VIT: variants seen among roughly 807,000 people sequenced by gnomAD.
The protein encoded by VIT is vitrin.
VIT carries 99 observed loss-of-function variants against 78.0 expected under a neutral mutation model. The ratio of observed to expected loss-of-function variants is 1.27; its 90% confidence interval spans 1.08 to 1.50. VIT has a LOEUF of 1.50. Ranked by LOEUF, VIT falls within the 40% of genes most tolerant of loss-of-function variation. The pLI is 0.00. For synonymous variants in VIT, 374 were observed against 334.3 expected (o/e 1.12, Z -1.29); for missense variants, 1,126 against 875.3 (o/e 1.29, Z -3.61).
At chr2:36,750,860 T>G (rs1668418073) in intron 4 of VIT, among the ~76,000 whole-genome samples, 1 of 152,122 alleles carries the variant, frequency 6.6e-6, no homozygotes, top group Non-Finnish European at 1.5e-5. Flanking sequence ...TGTAATCTTT[T>G]GCACTGTGAT....
intron 7 of VIT, among the ~76,000 whole-genome samples, chr2:36,773,320 C>CT (rs11464270): frequency 0.37 from 54,500 of 145,582 alleles, 10,387 homozygotes; most frequent in African/African-American, 0.52. Flanking sequence ...GTTAAATACT[C>CT]TTTTTTTTTT....
intron 9 of VIT, among the ~76,000 whole-genome samples, chr2:36,779,169 G>A (rs78641999): frequency 1.6e-3 from 240 of 152,328 alleles, no homozygotes; most frequent in African/African-American, 5.5e-3. Context: ...CAAGTACCCC[G>A]AGGTGCTGAA....
chr2:36,766,541 A>C (rs938753095), intron 6 of VIT, among the ~76,000 whole-genome samples: 9 of 152,076 alleles, frequency 5.9e-5, no homozygotes, highest in African/African-American at 2.2e-4. Flanking sequence ...AAAAAAGAAA[A>C]AAAATGTAGA....
intron 12 of VIT, among the ~76,000 whole-genome samples, chr2:36,798,792 G>A (rs143872171): frequency 1.2e-4 from 19 of 152,138 alleles, no homozygotes; most frequent in African/African-American, 4.3e-4. Flanking sequence ...TTTAAAAAAT[G>A]AACCCATAAG....
At chr2:36,756,799 T>C (rs975415743) in intron 5 of VIT, among the ~76,000 whole-genome samples, 1 of 152,234 alleles carries the variant, frequency 6.6e-6, no homozygotes, top group Admixed American at 6.5e-5. Context: ...AATCTCCGCA[T>C]AGGTGTTCAC....
At chr2:36,708,550 G>A (rs1438448962) in intron 1 of VIT, among the ~76,000 whole-genome samples, 2 of 152,104 alleles carry the variant, frequency 1.3e-5, no homozygotes, top group Non-Finnish European at 2.9e-5. Context: ...TTGCCTAAAG[G>A]ATCAGTTCCA....
chr2:36,757,133 C>T (rs1402606858), intron 5 of VIT, among the ~76,000 whole-genome samples: 1 of 152,198 alleles, frequency 6.6e-6, no homozygotes, highest in Non-Finnish European at 1.5e-5. Flanking sequence ...GACTGGCAGC[C>T]AAGGAATGCT....
chr2:36,699,607 G>T (rs77509529), intron 1 of VIT, among the ~76,000 whole-genome samples: 2 of 117,618 alleles, frequency 1.7e-5, no homozygotes, highest in Admixed American at 9.0e-5. Context: ...TATAGATATA[G>T]ATATAGATAG....
At chr2:36,729,599 T>C in intron 3 of VIT, 108 bp downstream of exon 3, 1 of 1,082,074 alleles carries the variant, frequency 9.2e-7, no homozygotes, top group Non-Finnish European at 1.3e-6. Flanking sequence ...TTTATCTCTA[T>C]GTCAATTAAT....
At chr2:36,773,423 G>C (rs1669870965) in intron 7 of VIT, among the ~76,000 whole-genome samples, 1 of 151,908 alleles carries the variant, frequency 6.6e-6, no homozygotes, top group Non-Finnish European at 1.5e-5. Context: ...TGCTAGGTTG[G>C]ATCATAGAAA....
At chr2:36,726,688 G>A (rs369692531) in intron 2 of VIT, among the ~76,000 whole-genome samples, 7 of 151,876 alleles carry the variant, frequency 4.6e-5, no homozygotes, top group Non-Finnish European at 5.9e-5. Flanking sequence ...GTGTGGTGAC[G>A]GGCGCCTGTA....
At position 36,724,111 on chromosome 2, in the gene VIT, T is replaced by C. The variant is rs886140452; in HGVS notation, c.53-5315T>C. On this transcript the variant is annotated intron_variant, in intron 2 of 15. Coordinates refer to ENST00000379242, the MANE Select transcript of VIT (RefSeq NM_053276.4). ...TCGGCTCATTGCAACCTCCACCTTC[T>C]GGTTTCAAGTGATTCTCCTACCTCA... Among the ~76,000 whole-genome samples the C allele has an allele frequency of 5.9e-5, 9 of 151,820 alleles. No homozygotes were observed. The South Asian group carries it at 1.9e-3, about 32-fold the overall frequency.
intron 2 of VIT, among the ~76,000 whole-genome samples, chr2:36,724,917 C>T (rs1286332158): frequency 6.6e-6 from 1 of 152,168 alleles, no homozygotes; most frequent in Non-Finnish European, 1.5e-5. Flanking sequence ...CATTTTCTTT[C>T]TATGTATGTA....
At chr2:36,731,450 T>C (rs556298882) in intron 3 of VIT, among the ~76,000 whole-genome samples, 1 of 152,036 alleles carries the variant, frequency 6.6e-6, no homozygotes, top group African/African-American at 2.4e-5. Flanking sequence ...ATTTTTTGTA[T>C]TTTTAGTAGA....
At chr2:36,727,250 A>T (rs1000737143) in intron 2 of VIT, among the ~76,000 whole-genome samples, 5 of 151,860 alleles carry the variant, frequency 3.3e-5, no homozygotes, top group Non-Finnish European at 5.9e-5. Flanking sequence ...GGCTTTTTTT[A>T]TGTTCCCTGC....
rs1669955911 is a variant in VIT, at chr2:36,774,840, T to G, written c.737-162T>G. 8 of 985,182 alleles carry G rather than the reference T, an allele frequency of 8.1e-6. No individual in the cohort carries two copies. In the South Asian group the frequency reaches 3.8e-4, roughly 46 times the overall value. 61.0% of individuals were successfully genotyped at this position (985,182 alleles called of 1,614,324 possible). On this transcript the variant is annotated intron_variant, in intron 8 of 15. Transcript: ENST00000379242. ...TCCTCCTGTCCCCTTGGCCAAGATT[T>G]TTGCCTCCTCTGCAACCCCCAGAAG...
At chr2:36,791,271 C>T (rs933653566) in intron 12 of VIT, among the ~76,000 whole-genome samples, 1 of 152,176 alleles carries the variant, frequency 6.6e-6, no homozygotes, top group African/African-American at 2.4e-5. Flanking sequence ...AACCTCAGCC[C>T]GTGGACTGAA....
At chr2:36,765,410 C>T (rs568549744) in intron 6 of VIT, among the ~76,000 whole-genome samples, 1 of 58,948 alleles carries the variant, frequency 1.7e-5, no homozygotes, top group African/African-American at 4.6e-5. Context: ...TACATGGCAG[C>T]AGGCGAGAGA....
intron 13 of VIT, 105 bp downstream of exon 13, chr2:36,801,509 G>T: frequency 1.9e-6 from 2 of 1,078,930 alleles, no homozygotes; most frequent in Non-Finnish European, 2.7e-6. Context: ...ATAATAATCC[G>T]TCAAGAAATA....
Sources: gnomAD v4.1 joint callset for allele counts (sites outside exome capture counted in the v4.1 genomes callset) on GRCh38, gnomAD v4.1.1 for gene constraint, MANE v1.5 for transcripts, NCBI Gene and HGNC (gene_info 2026-07-23, HGNC 2026-07-21) for gene names.